The following SMARCD1 variants were observed in gnomAD, a reference collection of about 807,000 sequenced individuals.
The protein encoded by SMARCD1 is SWI/SNF related BAF chromatin remodeling complex subunit D1.
In SMARCD1, 16 loss-of-function variants were observed where a neutral mutation model predicts 70.8. The observed-to-expected ratio is 0.23, with a 90% CI of 0.15 to 0.34. The LOEUF (loss-of-function observed/expected upper bound fraction) is 0.34, where lower values mean the gene tolerates loss of function less well. Among genes scored for constraint, SMARCD1 ranks in the 10% least tolerant of loss-of-function variants. The probability of loss-of-function intolerance (pLI) is 1.00; values close to 1 mark genes in which losing one functional copy is unlikely to be tolerated. For synonymous variants in SMARCD1, 249 were observed against 246.0 expected (o/e 1.01, Z -0.11); for missense variants, 409 against 655.5 (o/e 0.62, Z 4.11).
At chr12:50,098,326 C>T (rs906224001) in intron 11 of SMARCD1, among the ~76,000 whole-genome samples, 1 of 152,186 alleles carries the variant, frequency 6.6e-6, no homozygotes, top group Non-Finnish European at 1.5e-5. Flanking sequence ...GTGTGGGCAG[C>T]ACTGCTTCCT....
rs1346247648 is a variant in SMARCD1, at chr12:50,086,203, C to G, written c.220C>G (p.Pro74Ala). Residue 74 changes from proline (P) to alanine (A), a missense_variant, in exon 2 of 13, where the codon CCT becomes GCT. Pro to Ala is a conservative substitution (Grantham distance 27). This residue lies in a region of SMARCD1 where 140 missense variants were observed against 156.9 expected (regional missense o/e 0.89). Coordinates refer to ENST00000394963, the MANE Select transcript of SMARCD1 (RefSeq NM_003076.5). ...LPGSRMTPQG[P>A]SMGPPGYGGN... ...AGGCAGCCGAATGACACCTCAGGGA[C>G]CTTCCATGGGACCCCCTGGCTATGG... The G allele has an allele frequency of 1.9e-6, 3 of 1,602,256 alleles. No homozygotes were observed. The highest frequency in any genetic ancestry group is 2.6e-6 in the Non-Finnish European group (3 of 1,173,396).
In SMARCD1 at chr12:50,087,440, G is replaced by C. The variant is rs150581614; in HGVS notation, c.609G>C (p.Thr203=). 17 of 1,614,070 alleles carry C rather than the reference G, an allele frequency of 1.1e-5. No homozygotes were observed. The Admixed American group carries it at 2.5e-4, about 24-fold the overall frequency. ...AKSDAEDGEG[T]VASWELRVEG... is the part of the protein sequence containing the mutation. ...CAGATGCCGAGGATGGGGAAGGGAC[G>C]GTGGCTTCCTGGGAGCTTCGGGTAG... The change falls in exon 5 of 13, where the codon ACG becomes ACC. Residue 203 remains threonine, a synonymous_variant. Transcript: ENST00000394963.
intron 5 of SMARCD1, 107 bp downstream of exon 5, chr12:50,087,592 G>T (rs1592287168): frequency 7.7e-7 from 1 of 1,297,102 alleles, no homozygotes; most frequent in East Asian, 2.5e-5. Flanking sequence ...GCTCCTTTTG[G>T]GAGCAGTAAG....
chr12:50,090,770 A>G (rs1028780235), intron 9 of SMARCD1, among the ~76,000 whole-genome samples, 180 bp downstream of exon 9: 3 of 151,628 alleles, frequency 2.0e-5, no homozygotes, highest in African/African-American at 2.4e-5. Flanking sequence ...AGTGGGTAAC[A>G]TATATTCAAA....
chr12:50,091,926 G>T lies in SMARCD1; in HGVS notation c.1133+1336G>T, dbSNP rs117920983. Among the ~76,000 whole-genome samples, 1,234 of 152,188 alleles carry T rather than the reference G, an allele frequency of 8.1e-3. 9 individuals are homozygous for T. Among genetic ancestry groups the T allele is most frequent in the Non-Finnish European group, 0.013 (912 of 68,000 alleles). ...AAGATCAGCAAATGCCACACATCTG[G>T]GCACTTCCTCCCACTCTCCTTTGGA... On this transcript the variant is annotated intron_variant, in intron 9 of 12. Coordinates refer to ENST00000394963, the MANE Select transcript of SMARCD1 (RefSeq NM_003076.5).
intron 9 of SMARCD1, among the ~76,000 whole-genome samples, chr12:50,092,270 A>G (rs1322232843): frequency 7.8e-6 from 1 of 127,636 alleles, no homozygotes; most frequent in African/African-American, 3.0e-5. Flanking sequence ...GACAGACAGA[A>G]TCTCACTCTG....
At position 50,099,673 on chromosome 12, in the gene SMARCD1, A is replaced by T. The variant is rs1032631748; in HGVS notation, c.*673A>T. 1 of 209,604 alleles carries T rather than the reference A, an allele frequency of 4.8e-6. No homozygotes were observed. Among genetic ancestry groups the T allele is most frequent in the African/African-American group, 2.3e-5 (1 of 43,602 alleles). 13.0% of individuals were successfully genotyped at this position (209,604 alleles called of 1,614,324 possible). On this transcript the variant is annotated 3_prime_UTR_variant, in exon 13 of 13. Coordinates refer to ENST00000394963, the MANE Select transcript of SMARCD1 (RefSeq NM_003076.5). Reference sequence around the variant, plus strand: ...TGTTCTTTATTGCTCCCTCCCAGACACTCCCTGTGGCTGCCCTTTGTGATT... The same window carrying T: ...TGTTCTTTATTGCTCCCTCCCAGACTCTCCCTGTGGCTGCCCTTTGTGATT...
Position 50,098,767 on chromosome 12 carries a change from C to T in SMARCD1, c.1446C>T (p.Tyr482=). The stretch of plus-strand genomic sequence containing the variant: ...AGGAGGAGCGCCGAGCTGAGTTCTA[C>T]TTCCAGCCCTGGGCTCAGGAGGCTG... ...NPEEERRAEF[Y]FQPWAQEAVC... is the part of the protein sequence containing the mutation. The change falls in exon 12 of 13, where the codon TAC becomes TAT. Residue 482 remains tyrosine (Y), a synonymous_variant. Coordinates refer to ENST00000394963, the MANE Select transcript of SMARCD1 (RefSeq NM_003076.5). The T allele has an allele frequency of 1.2e-6, 2 of 1,614,166 alleles. No homozygotes were observed. Among genetic ancestry groups the T allele is most frequent in the South Asian group, 1.1e-5 (1 of 91,078 alleles).
intron 9 of SMARCD1, among the ~76,000 whole-genome samples, chr12:50,093,478 AATT>A (rs112760233): frequency 0.032 from 4,857 of 150,888 alleles, 265 homozygotes; most frequent in African/African-American, 0.11. Context: ...AAGTTTTAAA[AATT>A]ATTATTATTA....
chr12:50,086,225 A>T lies in SMARCD1; in HGVS notation c.242A>T (p.Tyr81Phe). The part of the protein sequence containing the change: ...PQGPSMGPPG[Y>F]GGNPSVRPGL... Reference sequence around the variant, plus strand: ...GGACCTTCCATGGGACCCCCTGGCTATGGGGGGAACCCTTCAGTCCGACCT... The same window carrying T: ...GGACCTTCCATGGGACCCCCTGGCTTTGGGGGGAACCCTTCAGTCCGACCT... The change falls in exon 2 of 13, where the codon TAT (tyrosine) becomes TTT (phenylalanine). Residue 81 changes from tyrosine to phenylalanine, a missense_variant. By Grantham distance (22) the Tyr-to-Phe change is conservative. Transcript: ENST00000394963. 1 of 1,610,476 alleles carries T rather than the reference A, an allele frequency of 6.2e-7. No individual in the cohort carries two copies.
Position 50,090,380 on chromosome 12 carries a change from T to A in SMARCD1, c.1013T>A (p.Ile338Asn). 2 of 1,614,054 alleles carry A rather than the reference T, an allele frequency of 1.2e-6. No individual in the cohort carries two copies. The highest frequency in any genetic ancestry group is 4.5e-5 in the East Asian group (2 of 44,892). Residue 338 changes from isoleucine to asparagine, a missense_variant, in exon 8 of 13, where the codon ATC becomes AAC. This residue lies in a region of SMARCD1 where 269 missense variants were observed against 498.6 expected (regional missense o/e 0.54). Transcript: ENST00000394963. ...LQDPHEREFV[I>N]CDKYLQQIFE... Reference sequence around the variant, plus strand: ...GACCCTCACGAGCGGGAGTTTGTCATCTGTGACAAGTACCTGCAGCAGGTA... The same window carrying A: ...GACCCTCACGAGCGGGAGTTTGTCAACTGTGACAAGTACCTGCAGCAGGTA...
chr12:50,099,446 C>G lies in SMARCD1; in HGVS notation c.*446C>G. On this transcript the variant is annotated 3_prime_UTR_variant, in exon 13 of 13. Coordinates refer to ENST00000394963, the MANE Select transcript of SMARCD1 (RefSeq NM_003076.5). ...CTCTATAAGCTAGTTGATCTTGGCT[C>G]TCCTGATAACAGAATCCAATTTCCT... The G allele has an allele frequency of 2.4e-6, 1 of 408,746 alleles. No individual in the cohort carries two copies. Among genetic ancestry groups the G allele is most frequent in the Admixed American group, 4.0e-5 (1 of 24,800 alleles). 25.3% of individuals were successfully genotyped at this position (408,746 alleles called of 1,614,324 possible). A position where few individuals can be genotyped will look rare whatever the true frequency, so the allele number is the denominator to read the frequency against.
intron 11 of SMARCD1, among the ~76,000 whole-genome samples, chr12:50,097,320 G>C (rs1950900921): frequency 6.6e-6 from 1 of 152,300 alleles, no homozygotes; most frequent in Admixed American, 6.5e-5. Context: ...GGAGGCCGAG[G>C]CCGACGGATC....
At chr12:50,089,138 G>A (rs3782323) in intron 6 of SMARCD1, 47,704 of 152,120 alleles carry the variant, frequency 0.31, 8,586 homozygotes, top group East Asian at 0.77. Flanking sequence ...ATTGCACAAC[G>A]TTTTGAAGCC....
chr12:50,092,954 G>T (rs2137892371), intron 9 of SMARCD1, among the ~76,000 whole-genome samples: 1 of 152,066 alleles, frequency 6.6e-6, no homozygotes, highest in Middle Eastern at 3.4e-3. Context: ...AAGGTGGGTG[G>T]ATCACAAGGT....
chr12:50,092,931 A>T (rs1188591362), intron 9 of SMARCD1, among the ~76,000 whole-genome samples: 1 of 151,978 alleles, frequency 6.6e-6, no homozygotes, highest in Admixed American at 6.5e-5. Flanking sequence ...TAATCCCAGC[A>T]CTTTGGGAGG....
At chr12:50,090,971 C>T (rs1371206018) in intron 9 of SMARCD1, among the ~76,000 whole-genome samples, 1 of 151,706 alleles carries the variant, frequency 6.6e-6, no homozygotes, top group Non-Finnish European at 1.5e-5. Context: ...ACTACAGGCA[C>T]CCGTCACCAC....
intron 10 of SMARCD1, among the ~76,000 whole-genome samples, chr12:50,095,168 A>T (rs1394174312): frequency 6.6e-6 from 1 of 152,244 alleles, no homozygotes; most frequent in Non-Finnish European, 1.5e-5. Flanking sequence ...TTGAGACTGT[A>T]TCTGGCACAT....
chr12:50,095,894 A>T (rs1180479633), intron 10 of SMARCD1, among the ~76,000 whole-genome samples: 1 of 152,200 alleles, frequency 6.6e-6, no homozygotes, highest in Non-Finnish European at 1.5e-5. Context: ...TGATTCAGGG[A>T]AAACTGGTTT....
Sources: allele counts gnomAD v4.1 joint callset (sites outside exome capture counted in the v4.1 genomes callset), GRCh38; gene constraint gnomAD v4.1.1; regional missense constraint gnomAD v4.1.1; transcripts MANE v1.5; gene names NCBI Gene and HGNC (gene_info 2026-07-23, HGNC 2026-07-21).